L3MBTL2: variants seen among roughly 807,000 people sequenced by gnomAD.
The protein encoded by L3MBTL2 is lethal(3)malignant brain tumor-like protein 2.
In L3MBTL2, 49 loss-of-function variants were observed where a neutral mutation model predicts 86.4. The ratio of observed to expected loss-of-function variants is 0.57; its 90% CI spans 0.45 to 0.72. The LOEUF is 0.72. Ranked by LOEUF, L3MBTL2 falls within the 30% of genes least tolerant of loss-of-function variation. The pLI, the probability that L3MBTL2 is intolerant of heterozygous loss-of-function variation, is 0.00. For synonymous variants in L3MBTL2, 336 were observed against 350.6 expected (o/e 0.96, Z 0.47); for missense variants, 755 against 923.7 (o/e 0.82, Z 2.37).
Position 41,230,297 on chromosome 22 carries a change from G to A in L3MBTL2, c.*46G>A, listed in dbSNP as rs367897147. The stretch of plus-strand genomic sequence containing the variant: ...GCTTCTAGCTGGAAGCCAGCCCAGC[G>A]TTTCTCTACCACCACCACCATGCCT... On this transcript the variant is annotated 3_prime_UTR_variant, in exon 17 of 17. Transcript: ENST00000216237. 1.6e-5 allele frequency: 22 copies of A among 1,411,458 alleles called. No individual in the cohort carries two copies. The highest frequency in any genetic ancestry group is 9.9e-5 in the African/African-American group (7 of 70,880). The allele number at this position is 1,411,458 out of a possible 1,614,324, so 87.4% of individuals were successfully genotyped here.
intron 12 of L3MBTL2, among the ~76,000 whole-genome samples, chr22:41,226,232 A>G (rs2032175606): frequency 6.6e-6 from 1 of 151,996 alleles, no homozygotes; most frequent in African/African-American, 2.4e-5. Flanking sequence ...AGCCGAGATC[A>G]TGCCATTGCA....
At chr22:41,210,683 C>A (rs1026274066) in intron 2 of L3MBTL2, among the ~76,000 whole-genome samples, 1 of 152,118 alleles carries the variant, frequency 6.6e-6, no homozygotes, top group East Asian at 1.9e-4. Flanking sequence ...AGGCTGGTCT[C>A]AAACTCCTGA....
intron 8 of L3MBTL2, among the ~76,000 whole-genome samples, chr22:41,222,588 G>A (rs1163857964): frequency 1.3e-5 from 2 of 152,010 alleles, no homozygotes; most frequent in Non-Finnish European, 2.9e-5. Context: ...AACCAGCTTG[G>A]GCAACACTGT....
At chr22:41,220,035 C>G (rs1301652308) in intron 6 of L3MBTL2, among the ~76,000 whole-genome samples, 1 of 152,142 alleles carries the variant, frequency 6.6e-6, no homozygotes, top group Non-Finnish European at 1.5e-5. Context: ...CCGTGCCTGG[C>G]TGGAAACCCC....
At chr22:41,208,410 G>A (rs753817371) in intron 1 of L3MBTL2, 3 of 382,940 alleles carry the variant, frequency 7.8e-6, no homozygotes, top group Admixed American at 3.1e-5. Context: ...GATTACAGAT[G>A]TGAACCACCG....
rs778678073 is a variant in L3MBTL2 at position 41,225,778 on chromosome 22, T to C, written c.1357-16T>C. ...TTCATGATATGATCTGTCTGCCTGCTCCCCCCACCCCCCAGGTTCTCCTGG... is the reference window on the plus strand; with the variant it reads ...TTCATGATATGATCTGTCTGCCTGCCCCCCCCACCCCCCAGGTTCTCCTGG... On this transcript the variant is annotated splice_polypyrimidine_tract_variant and intron_variant, in intron 11 of 16. Coordinates refer to ENST00000216237, the MANE Select transcript of L3MBTL2 (RefSeq NM_031488.5). This position sits in a 1 kb window ranked among gnomAD's most constrained non-coding sequence, Gnocchi z 4.1. The C allele has an allele frequency of 1.2e-6, 2 of 1,601,280 alleles. No individual in the cohort carries two copies. Among genetic ancestry groups the C allele is most frequent in the East Asian group, 2.3e-5 (1 of 44,338 alleles).
chr22:41,221,895 G>A (rs981547936), intron 8 of L3MBTL2, among the ~76,000 whole-genome samples: 3 of 146,456 alleles, frequency 2.0e-5, no homozygotes, highest in Non-Finnish European at 3.0e-5. Flanking sequence ...GAGCCACCGC[G>A]CCCAGCCTTT....
chr22:41,205,616 C>A (rs1224400610), intron 1 of L3MBTL2, among the ~76,000 whole-genome samples: 1 of 152,070 alleles, frequency 6.6e-6, no homozygotes, highest in Non-Finnish European at 1.5e-5. Flanking sequence ...CCGTCCCTGG[C>A]CTGGGGGAAA....
In L3MBTL2 at chr22:41,225,932, C is replaced by T. The variant is rs1049489732; in HGVS notation, c.1495C>T (p.Pro499Ser). 20 of 1,613,848 alleles carry T rather than the reference C, an allele frequency of 1.2e-5. No individual in the cohort carries two copies. The highest frequency in any genetic ancestry group is 2.7e-5 in the African/African-American group (2 of 74,930). ...FCQKNDIELT[P>S]PKGYEAQTFN... ...TCAGAAGAATGACATTGAGCTCACA[C>T]CGCCAAAAGGTAAGACTAGAGAGGC... The change falls in exon 12 of 17, where the codon CCG (proline) becomes TCG (serine). Residue 499 changes from proline to serine, a missense_variant. This residue lies in a region of L3MBTL2 where 634 missense variants were observed against 748.9 expected (regional missense o/e 0.85). Coordinates refer to ENST00000216237, the MANE Select transcript of L3MBTL2 (RefSeq NM_031488.5). The surrounding 1 kb of genome is among the most constrained non-coding windows in gnomAD (Gnocchi z 4.1).
At chr22:41,215,112 G>A (rs988834829) in intron 3 of L3MBTL2, among the ~76,000 whole-genome samples, 4 of 152,118 alleles carry the variant, frequency 2.6e-5, no homozygotes, top group East Asian at 1.9e-4. Flanking sequence ...AATGTGCAGC[G>A]AAGTTTGAGC....
intron 2 of L3MBTL2, among the ~76,000 whole-genome samples, chr22:41,211,556 C>CTTTTTTTTT (rs1569137607): frequency 1.5e-5 from 1 of 64,732 alleles, no homozygotes; most frequent in South Asian, 4.4e-4. Flanking sequence ...AATCTTATTT[C>CTTTTTTTTT]CTTTTTTTTT....
In L3MBTL2 at chr22:41,205,474, CTGGAGGG is replaced by C. The variant is rs1200809194; in HGVS notation, c.24+99_24+105del. The C allele has an allele frequency of 4.1e-6, 6 of 1,472,946 alleles. No individual in the cohort carries two copies. The African/African-American group carries it at 5.6e-5, about 14-fold the overall frequency. The allele number at this position is 1,472,946 out of a possible 1,614,324, so 91.2% of individuals were successfully genotyped here. A position where few individuals can be genotyped will look rare whatever the true frequency, so the allele number is the denominator to read the frequency against. On this transcript the variant is annotated intron_variant, in intron 1 of 16. Coordinates refer to ENST00000216237, the MANE Select transcript of L3MBTL2 (RefSeq NM_031488.5). ...CCTTCTTTAGGGCTTTTAGCGACGCCTGGAGGGTGGAGGGTGGGAGGATGGATAAACT... is the reference window on the plus strand; with the variant it reads ...CCTTCTTTAGGGCTTTTAGCGACGCCTGGAGGGTGGGAGGATGGATAAACT...
chr22:41,219,174 C>T (rs1022296545), intron 5 of L3MBTL2: 13 of 415,300 alleles, frequency 3.1e-5, no homozygotes, highest in African/African-American at 1.8e-4. Flanking sequence ...TTTTAGGACT[C>T]GGTTCTGTCT....
chr22:41,206,655 C>T (rs2030238834), intron 1 of L3MBTL2, among the ~76,000 whole-genome samples: 2 of 151,804 alleles, frequency 1.3e-5, no homozygotes, highest in African/African-American at 2.4e-5. Context: ...AAAAATTAGC[C>T]GGGCGTGGTG....
chr22:41,205,769 C>A (rs748053883), intron 1 of L3MBTL2, among the ~76,000 whole-genome samples: 3 of 152,098 alleles, frequency 2.0e-5, no homozygotes, highest in Admixed American at 6.6e-5. Flanking sequence ...CACTCCTTGT[C>A]TGTAACGTTC....
intron 2 of L3MBTL2, 157 bp downstream of exon 2, chr22:41,210,090 C>A: frequency 2.6e-6 from 2 of 770,624 alleles, no homozygotes; most frequent in Non-Finnish European, 3.8e-6. Context: ...GTAAGGGAGA[C>A]AGAAGCACCC....
At position 41,228,384 on chromosome 22, in the gene L3MBTL2, ACT is replaced by A. The variant is rs1203632874; in HGVS notation, c.1888+518_1888+519del. ...GTGTCGTTTCCCTTGGTGGGGCCTC[ACT>A]CTACAGATTCTGAGCCCAGCTTGGG... is the stretch of plus-strand genomic sequence containing the variant. On this transcript the variant is annotated intron_variant, in intron 15 of 16. Transcript: ENST00000216237. The A allele has an allele frequency of 5.1e-6, 5 of 985,196 alleles. No individual in the cohort carries two copies. The African/African-American group carries it at 7.0e-5, about 14-fold the overall frequency. 61.0% of individuals were successfully genotyped at this position (985,196 alleles called of 1,614,324 possible). A position where few individuals can be genotyped will look rare whatever the true frequency, so the allele number is the denominator to read the frequency against.
Position 41,224,033 on chromosome 22 carries a change from T to G in L3MBTL2, c.956T>G (p.Met319Arg). ...ACGTCGTTTCAGATGGTGGAGAGCA[T>G]GAAGTACCCCTTTAGGCAGGGCATG... ...VDFHIKMVES[M>R]KYPFRQGMRL... The change falls in exon 9 of 17, where the codon ATG (methionine) becomes AGG (arginine). Residue 319 changes from methionine to arginine, a missense_variant. Met to Arg is a moderately conservative substitution (Grantham distance 91). Coordinates refer to ENST00000216237, the MANE Select transcript of L3MBTL2 (RefSeq NM_031488.5). The surrounding 1 kb of genome is among the most constrained non-coding windows in gnomAD (Gnocchi z 4.9). The G allele has an allele frequency of 6.2e-7, 1 of 1,614,038 alleles. No homozygotes were observed. The highest frequency in any genetic ancestry group is 8.5e-7 in the Non-Finnish European group (1 of 1,179,956).
At chr22:41,209,150 C>CTGGA (rs1207824161) in intron 1 of L3MBTL2, 1 of 153,476 alleles carries the variant, frequency 6.5e-6, no homozygotes, top group African/African-American at 2.4e-5. Flanking sequence ...GTCACGCAGA[C>CTGGA]TGGAGTGCAG....
Sources: allele counts gnomAD v4.1 joint callset (sites outside exome capture counted in the v4.1 genomes callset), GRCh38; gene constraint gnomAD v4.1.1; regional missense constraint gnomAD v4.1.1; non-coding constraint Gnocchi (gnomAD v3.1); transcripts MANE v1.5; gene names NCBI Gene and HGNC (gene_info 2026-07-23, HGNC 2026-07-21).